APTX: variants seen among roughly 807,000 people sequenced by gnomAD.
APTX encodes forkhead-associated domain histidine triad-like protein.
In APTX, 33 loss-of-function variants were observed where a neutral mutation model predicts 42.3. The observed-to-expected ratio is 0.78, with a 90% CI of 0.59 to 1.04. The LOEUF is 1.04. APTX is among the 50% of genes least tolerant of loss of function. APTX has a pLI of 0.00. For missense variants in APTX, 421 were observed against 415.1 expected (o/e 1.01, Z -0.12); for synonymous variants, 130 against 146.7 (o/e 0.89, Z 0.82).
chr9:32,987,773 T>C lies in APTX; in HGVS notation c.254A>G (p.Gln85Arg). The part of the protein sequence containing the change: ...KDQEVKLQPG[Q>R]VLHMVNELYP... Reference sequence around the variant, plus strand: ...AAGTTCATTCACCATGTGGAGAACCTGGCCAGGCTGCAGCTTCACCTCTTG... The same window carrying C: ...AAGTTCATTCACCATGTGGAGAACCCGGCCAGGCTGCAGCTTCACCTCTTG... The change falls in exon 4 of 8, where the codon CAG becomes CGG. Residue 85 changes from glutamine (Q) to arginine (R), a missense_variant. By Grantham distance (43) the Gln-to-Arg change is conservative (BLOSUM62 1). Coordinates refer to ENST00000379817, the MANE Select transcript of APTX (RefSeq NM_001195248.2). The C allele has an allele frequency of 6.2e-7, 1 of 1,614,216 alleles. No homozygotes were observed. Among genetic ancestry groups the C allele is most frequent in the Non-Finnish European group, 8.5e-7 (1 of 1,180,046 alleles).
chr9:33,001,588 A>C lies in APTX; in HGVS notation c.-26T>G, dbSNP rs1267728030. 1 of 1,614,014 alleles carries C rather than the reference A, an allele frequency of 6.2e-7. No homozygotes were observed. On this transcript the variant is annotated 5_prime_UTR_variant, in exon 1 of 8. Coordinates refer to ENST00000379817, the MANE Select transcript of APTX (RefSeq NM_001195248.2). ...TTACCTCCAGAAGTCGGAGACGGACAAATTCACGTTACTCATCTGTGCCTC... is the reference window on the plus strand; with the variant it reads ...TTACCTCCAGAAGTCGGAGACGGACCAATTCACGTTACTCATCTGTGCCTC...
intron 6 of APTX, among the ~76,000 whole-genome samples, chr9:32,979,276 G>A (rs553120826): frequency 6.6e-6 from 1 of 152,190 alleles, no homozygotes; most frequent in East Asian, 1.9e-4. Context: ...CCATTTATAA[G>A]TGAGAACATG....
At chr9:32,976,259 T>G (rs1018534007) in intron 6 of APTX, among the ~76,000 whole-genome samples, 1 of 151,796 alleles carries the variant, frequency 6.6e-6, no homozygotes, top group African/African-American at 2.4e-5. Flanking sequence ...GGGACAACAT[T>G]AAGAGAAATA....
chr9:33,001,661 A>G (rs774041694), upstream of APTX: 96 of 1,606,324 alleles, frequency 6.0e-5, no homozygotes, highest in South Asian at 6.3e-4. Flanking sequence ...CTGTATCGCG[A>G]CCAGTGACGT....
intron 1 of APTX, among the ~76,000 whole-genome samples, chr9:33,011,126 G>C (rs899430893): frequency 6.6e-5 from 10 of 150,788 alleles, no homozygotes; most frequent in Non-Finnish European, 1.3e-4. Flanking sequence ...CTGCGTGACA[G>C]AGTGAGACTC....
At chr9:33,016,068 A>G (rs1378648489) in intron 1 of APTX, 1 of 152,246 alleles carries the variant, frequency 6.6e-6, no homozygotes, top group Non-Finnish European at 1.5e-5. Context: ...AATGGTATCT[A>G]GGAGTTCGTA....
chr9:33,018,118 A>AT (rs557047910), intron 1 of APTX, among the ~76,000 whole-genome samples: 140 of 144,470 alleles, frequency 9.7e-4, no homozygotes, highest in Non-Finnish European at 9.9e-4. Context: ...TTTTTATTTA[A>AT]TTTTTTTTTT....
chr9:33,008,757 G>A (rs1053224725), intron 1 of APTX, among the ~76,000 whole-genome samples: 1 of 152,000 alleles, frequency 6.6e-6, no homozygotes, highest in African/African-American at 2.4e-5. Context: ...TTGCCATGTT[G>A]GCAAGGCTGG....
At chr9:32,990,568 C>A (rs1833365771) in intron 1 of APTX, among the ~76,000 whole-genome samples, 1 of 152,140 alleles carries the variant, frequency 6.6e-6, no homozygotes, top group Non-Finnish European at 1.5e-5. Context: ...CTTGAGGAGC[C>A]TGGAGTGCAG....
chr9:32,977,061 A>T (rs1432607516), intron 6 of APTX, among the ~76,000 whole-genome samples: 1 of 152,240 alleles, frequency 6.6e-6, no homozygotes, highest in Non-Finnish European at 1.5e-5. Flanking sequence ...TGTAATTTCC[A>T]TTTATGTATT....
chr9:32,973,490 C>G lies in APTX; in HGVS notation c.*8G>C. The G allele has an allele frequency of 6.2e-7, 1 of 1,613,984 alleles. No homozygotes were observed. Among genetic ancestry groups the G allele is most frequent in the Non-Finnish European group, 8.5e-7 (1 of 1,180,032 alleles). On this transcript the variant is annotated 3_prime_UTR_variant, in exon 8 of 8. Coordinates refer to ENST00000379817, the MANE Select transcript of APTX (RefSeq NM_001195248.2). ...CCACACCACAGCAGCAGCTCAGGCT[C>G]TGCAGAATCACTGTGTCCAGTGCTT...
upstream of APTX, chr9:33,001,646 G>A (rs1836571083): frequency 1.9e-6 from 3 of 1,612,076 alleles, no homozygotes; most frequent in South Asian, 1.1e-5. Flanking sequence ...GACGTCAGAG[G>A]CCGGCTGTAT....
At chr9:33,019,924 C>T (rs755328075) in intron 1 of APTX, 12 of 506,824 alleles carry the variant, frequency 2.4e-5, no homozygotes, top group African/African-American at 8.0e-5. Flanking sequence ...CTAAGGGGGT[C>T]GGGAAAGGCA....
chr9:32,980,805 G>C (rs764931253), intron 6 of APTX, among the ~76,000 whole-genome samples: 2 of 152,340 alleles, frequency 1.3e-5, no homozygotes, highest in South Asian at 2.1e-4. Flanking sequence ...CTGAGATAAA[G>C]AAGGTTAGGT....
intron 4 of APTX, 78 bp from the exon 5 acceptor site, chr9:32,986,108 G>A (rs750849555): frequency 6.6e-6 from 9 of 1,363,598 alleles, no homozygotes; most frequent in Non-Finnish European, 9.3e-6. Flanking sequence ...AATTAAATTT[G>A]GCAACAGTTA....
At chr9:33,007,072 T>C (rs1451128160) in intron 1 of APTX, among the ~76,000 whole-genome samples, 1 of 146,508 alleles carries the variant, frequency 6.8e-6, no homozygotes, top group Non-Finnish European at 1.5e-5. Flanking sequence ...ACAATTAGAC[T>C]GAGTCCAGAA....
chr9:32,981,091 G>T (rs1830579185), intron 6 of APTX, among the ~76,000 whole-genome samples: 1 of 152,154 alleles, frequency 6.6e-6, no homozygotes, highest in Non-Finnish European at 1.5e-5. Context: ...CCTAGCTTTG[G>T]AGAACAGTGT....
At position 32,991,331 on chromosome 9, in the gene APTX, ATGTGG is replaced by A. The variant is rs1833581419; in HGVS notation, c.-4-1441_-4-1437del. Among the ~76,000 whole-genome samples the A allele has an allele frequency of 3.9e-5, 6 of 152,238 alleles. No homozygotes were observed. The South Asian group carries it at 1.0e-3, about 26-fold the overall frequency. ...CTTTTGAAAAACAACCCTTATGGCC[ATGTGG>A]ACTATCAGTAAAAGAGAAAGAGACA... On this transcript the variant is annotated intron_variant, in intron 1 of 7. Coordinates refer to ENST00000379817, the MANE Select transcript of APTX (RefSeq NM_001195248.2).
exon 1 of APTX, chr9:33,025,068 G>A (rs949144042): frequency 5.2e-5 from 8 of 152,482 alleles, no homozygotes; most frequent in East Asian, 1.9e-4. Context: ...TGGAGAAAAG[G>A]GCTCCAGAAG....
Sources: gnomAD v4.1 joint callset for allele counts (sites outside exome capture counted in the v4.1 genomes callset) on GRCh38, gnomAD v4.1.1 for gene constraint, MANE v1.5 for transcripts, NCBI Gene and HGNC (gene_info 2026-07-23, HGNC 2026-07-21) for gene names.